Variants in KCTD1 observed in about 807,000 individuals in gnomAD.
KCTD1 encodes the protein potassium channel tetramerization domain containing 1, also known as BTB/POZ domain-containing protein KCTD1.
A neutral mutation model predicts 66.0 loss-of-function variants in KCTD1; 24 were observed. The ratio of observed to expected loss-of-function variants is 0.36; its 90% CI spans 0.26 to 0.51. The LOEUF (loss-of-function observed/expected upper bound fraction) is 0.51. KCTD1 is among the 20% of genes least tolerant of loss of function. The pLI, the probability that KCTD1 is intolerant of heterozygous loss-of-function variation, is 0.95. For missense variants in KCTD1, 943 were observed against 1,205.2 expected (o/e 0.78, Z 3.22); for synonymous variants, 511 against 517.2 (o/e 0.99, Z 0.16).
Position 26,547,036 on chromosome 18 carries a change from G to A in KCTD1, c.1501C>T (p.His501Tyr), listed in dbSNP as rs1347256661. 6.7e-7 allele frequency: 1 copy of A among 1,487,044 alleles called. No homozygotes were observed. Among genetic ancestry groups the A allele is most frequent in the Non-Finnish European group, 9.0e-7 (1 of 1,115,664 alleles). 92.1% of individuals were successfully genotyped at this position (1,487,044 alleles called of 1,614,324 possible). Residue 501 changes from histidine to tyrosine, a missense_variant, in exon 1 of 5, where the codon CAC becomes TAC. By Grantham distance (83) the His-to-Tyr change is moderately conservative (BLOSUM62 2). Transcript: ENST00000580059. ...GAGGGCGGCTGGGGGCGGTGGTGGT[G>A]GGAGGGATGGGTGGGGGGGTGGTGG... ...HSHHPPTHPS[H>Y]HHRPQPPSLG...
intron 2 of KCTD1, among the ~76,000 whole-genome samples, chr18:26,484,126 A>G (rs923913916): frequency 1.3e-5 from 2 of 152,218 alleles, no homozygotes; most frequent in Non-Finnish European, 2.9e-5. Flanking sequence ...ATTCGTTTAA[A>G]GTATTATAAC....
intron 1 of KCTD1, among the ~76,000 whole-genome samples, chr18:26,516,274 T>C (rs1274540173): frequency 6.6e-6 from 1 of 152,204 alleles, no homozygotes; most frequent in Non-Finnish European, 1.5e-5. Flanking sequence ...CCTGTTTACA[T>C]ACATATTCAG....
At chr18:26,503,725 G>GA (rs1321797627) in intron 1 of KCTD1, among the ~76,000 whole-genome samples, 1 of 152,094 alleles carries the variant, frequency 6.6e-6, no homozygotes, top group Non-Finnish European at 1.5e-5. Context: ...AGAAAAAAAT[G>GA]AAAGCATAAC....
chr18:26,500,970 GC>G (rs1294373507), intron 2 of KCTD1, 101 bp downstream of exon 2: 6 of 1,301,746 alleles, frequency 4.6e-6, no homozygotes, highest in East Asian at 4.7e-5. Context: ...TTCACATCCT[GC>G]CCCCTGCCTC....
chr18:26,563,504 C>A (rs1985910620), intron 1 of KCTD1, among the ~76,000 whole-genome samples: 1 of 152,222 alleles, frequency 6.6e-6, no homozygotes, highest in Admixed American at 6.5e-5. Flanking sequence ...CCTGGCTCAA[C>A]AACTCAACTC....
rs562476101 is a variant in KCTD1, at chr18:26,489,083, C to T, written c.1988+11989G>A. On this transcript the variant is annotated intron_variant, in intron 2 of 4. Transcript: ENST00000580059. ...GGACCAGGACCATCCTGGGTACCTT[C>T]GAAAGGCCAGCACGGAAAGCATTCT... 8.5e-5 allele frequency among the ~76,000 whole-genome samples: 13 copies of T among 152,282 alleles called. 1 individual carries two copies. In the South Asian group the frequency reaches 2.1e-3, roughly 24 times the overall value.
intron 2 of KCTD1, among the ~76,000 whole-genome samples, chr18:26,489,304 G>A (rs570822228): frequency 3.3e-4 from 51 of 152,318 alleles, no homozygotes; most frequent in African/African-American, 1.2e-3. Context: ...GTCTGGTGAT[G>A]CGGTGGACCA....
chr18:26,496,125 A>G (rs1467534007), intron 2 of KCTD1, among the ~76,000 whole-genome samples: 7 of 152,204 alleles, frequency 4.6e-5, no homozygotes, highest in African/African-American at 1.7e-4. Flanking sequence ...TAGATCTTTT[A>G]TTACCAATGA....
intron 1 of KCTD1, among the ~76,000 whole-genome samples, chr18:26,560,024 T>A (rs11876410): frequency 0.14 from 20,800 of 151,986 alleles, 1,907 homozygotes; most frequent in African/African-American, 0.26. Context: ...AGGCTTTACA[T>A]TACATGTGAT....
chr18:26,502,553 T>A (rs1023062361), intron 1 of KCTD1, among the ~76,000 whole-genome samples: 3 of 152,188 alleles, frequency 2.0e-5, no homozygotes. Context: ...AATATAAATA[T>A]TTCAAATGCT....
Position 26,548,022 on chromosome 18 carries a change from G to A in KCTD1, c.515C>T (p.Thr172Ile). 1 of 1,526,388 alleles carries A rather than the reference G, an allele frequency of 6.6e-7. No homozygotes were observed. Among genetic ancestry groups the A allele is most frequent in the Non-Finnish European group, 8.8e-7 (1 of 1,139,360 alleles). The allele number at this position is 1,526,388 out of a possible 1,614,324, so 94.6% of individuals were successfully genotyped here. Residue 172 changes from threonine (T) to isoleucine (I), a missense_variant, in exon 1 of 5, where the codon ACC (threonine) becomes ATC (isoleucine). Physicochemically the swap from Thr to Ile is moderately conservative, Grantham distance 89 (BLOSUM62 -1). Transcript: ENST00000580059. ...RPERARLSEN[T>I]RLATRYAVRI... ...CACGGCGTAGCGGGTGGCCAGCCGG[G>A]TGTTCTCGCTCAGCCGGGCCCGCTC...
chr18:26,514,286 C>T (rs1019597490), intron 1 of KCTD1, among the ~76,000 whole-genome samples: 16 of 152,152 alleles, frequency 1.1e-4, no homozygotes, highest in Non-Finnish European at 1.8e-4. Flanking sequence ...AGCACAGTGG[C>T]TCATGCTTAT....
intron 1 of KCTD1, among the ~76,000 whole-genome samples, chr18:26,590,058 C>T (rs1048946817): frequency 6.6e-6 from 1 of 152,128 alleles, no homozygotes; most frequent in Non-Finnish European, 1.5e-5. Context: ...CTCTGTACTT[C>T]ATAAGTGAAT....
chr18:26,470,975 A>AG (rs1981025450), intron 3 of KCTD1, among the ~76,000 whole-genome samples: 2 of 152,122 alleles, frequency 1.3e-5, no homozygotes, highest in South Asian at 4.1e-4. Flanking sequence ...CAGGGGCCAG[A>AG]GCTTTCTGGG....
At chr18:26,555,049 A>G (rs78262377) in intron 1 of KCTD1, among the ~76,000 whole-genome samples, 2,223 of 152,334 alleles carry the variant, frequency 0.015, 60 homozygotes, top group African/African-American at 0.051. Flanking sequence ...ATTTTATTTC[A>G]GTGTCATTGG....
Position 26,516,357 on chromosome 18 carries a change from G to T in KCTD1, c.1810-15107C>A, listed in dbSNP as rs180721594. Among the ~76,000 whole-genome samples the T allele has an allele frequency of 2.0e-5, 3 of 152,304 alleles. No homozygotes were observed. The East Asian group carries it at 5.8e-4, about 29-fold the overall frequency. ...TGGGAGGAACTTACTGGATCCCTCT[G>T]CAAGTGGGCCCTTTTGTATGAGAGA... On this transcript the variant is annotated intron_variant, in intron 1 of 4. Coordinates refer to ENST00000580059, the MANE Select transcript of KCTD1 (RefSeq NM_001142730.3).
chr18:26,549,686 C>G, upstream of KCTD1: 2 of 981,628 alleles, frequency 2.0e-6, no homozygotes, highest in Non-Finnish European at 1.2e-6. Context: ...CCGACCCTGC[C>G]GCAGCCACAA....
intron 1 of KCTD1, among the ~76,000 whole-genome samples, chr18:26,561,213 A>C (rs1455102587): frequency 6.6e-6 from 1 of 152,244 alleles, no homozygotes; most frequent in Non-Finnish European, 1.5e-5. Context: ...ATATTTTACA[A>C]ATGTAACTGC....
chr18:26,571,010 A>G (rs910403264), intron 1 of KCTD1, among the ~76,000 whole-genome samples: 1 of 152,182 alleles, frequency 6.6e-6, no homozygotes, highest in Non-Finnish European at 1.5e-5. Context: ...CAAATACTCC[A>G]TTTGTATTTT....
Sources: allele counts gnomAD v4.1 joint callset (sites outside exome capture counted in the v4.1 genomes callset), GRCh38; gene constraint gnomAD v4.1.1; transcripts MANE v1.5; gene names NCBI Gene and HGNC (gene_info 2026-07-23, HGNC 2026-07-21).